Variants in RASEF observed in about 807,000 individuals in gnomAD.
RASEF encodes the protein ras and EF-hand domain-containing protein.
In RASEF, 68 loss-of-function variants were observed where a neutral mutation model predicts 90.1. That is an observed-to-expected ratio of 0.75 (90% CI 0.62 to 0.92). The LOEUF (loss-of-function observed/expected upper bound fraction) is 0.92. RASEF is among the 40% of genes least tolerant of loss of function. The probability of loss-of-function intolerance (pLI) is 0.00; values close to 1 mark genes in which losing one functional copy is unlikely to be tolerated. For missense variants in RASEF, 949 were observed against 937.2 expected (o/e 1.01, Z -0.16); for synonymous variants, 331 against 345.2 (o/e 0.96, Z 0.46).
At position 83,008,891 on chromosome 9, in the gene RASEF, CATATATATATATATATATA is replaced by C. The variant is rs1319162968; in HGVS notation, c.959+731_959+749del. On this transcript the variant is annotated intron_variant, in intron 6 of 16. Coordinates refer to ENST00000376447, the MANE Select transcript of RASEF (RefSeq NM_152573.4). Reference sequence around the variant, plus strand: ...TCCCAACTAAATTTGAAGTTCTCATCATATATATATATATATATATATATATATATATATATATATATAT... The same window carrying C: ...TCCCAACTAAATTTGAAGTTCTCATCTATATATATATATATATATATATAT... Among the ~76,000 whole-genome samples the C allele has an allele frequency of 2.1e-3, 42 of 19,560 alleles. 2 individuals are homozygous for C. In the South Asian group the frequency reaches 0.036, roughly 17 times the overall value. The allele number at this position is 19,560 out of a possible 152,430, so 12.8% of individuals were successfully genotyped here.
chr9:83,179,949 A>C, the RASEF span, among the ~76,000 whole-genome samples: 1 of 152,310 alleles, frequency 6.6e-6, no homozygotes, highest in Non-Finnish European at 1.5e-5. Flanking sequence ...CCAACACGTA[A>C]GCTCTCCTGG....
chr9:83,032,769 G>C (rs62561901), intron 1 of RASEF, among the ~76,000 whole-genome samples: 1 of 152,110 alleles, frequency 6.6e-6, no homozygotes, highest in Non-Finnish European at 1.5e-5. Flanking sequence ...GAAATTATAC[G>C]TACTTGAAGA....
rs529039981 is a variant in RASEF at position 83,048,992 on chromosome 9, T to C, written c.431+13445A>G. Among the ~76,000 whole-genome samples the C allele has an allele frequency of 5.3e-5, 8 of 151,972 alleles. No homozygotes were observed. In the South Asian group the frequency reaches 1.5e-3, roughly 28 times the overall value. ...TACAAAAATTAGCCGGGTGTGGTAG[T>C]GCATGTCTGTAATCCCAGCTACTCG... is the stretch of plus-strand genomic sequence containing the variant. On this transcript the variant is annotated intron_variant, in intron 1 of 16. Transcript: ENST00000376447.
intron 1 of RASEF, among the ~76,000 whole-genome samples, chr9:83,047,411 A>G (rs750104519): frequency 2.6e-5 from 4 of 152,230 alleles, no homozygotes; most frequent in Non-Finnish European, 5.9e-5. Flanking sequence ...AGAAAACAAT[A>G]CTACAATACC....
At chr9:83,160,372 A>C in the RASEF span, among the ~76,000 whole-genome samples, 1 of 152,170 alleles carries the variant, frequency 6.6e-6, no homozygotes, top group African/African-American at 2.4e-5. Context: ...ACTGGAGAAA[A>C]GGTGACTCTA....
chr9:83,002,333 G>T (rs1405096774), intron 9 of RASEF, among the ~76,000 whole-genome samples: 1 of 152,184 alleles, frequency 6.6e-6, no homozygotes, highest in African/African-American at 2.4e-5. Flanking sequence ...TAATTAAAAA[G>T]ATGATGTAAC....
At chr9:83,166,589 C>T in the RASEF span, among the ~76,000 whole-genome samples, 5 of 152,048 alleles carry the variant, frequency 3.3e-5, no homozygotes, top group Admixed American at 6.6e-5. Context: ...TGTGGCGGTA[C>T]GGTTTCATTG....
intron 1 of RASEF, among the ~76,000 whole-genome samples, chr9:83,027,240 T>G (rs1231549416): frequency 1.9e-4 from 29 of 152,044 alleles, no homozygotes; most frequent in Non-Finnish European, 1.2e-4. Context: ...GTTTTGGGGG[T>G]TTTATGGTGA....
chr9:83,184,757 A>G, the RASEF span, among the ~76,000 whole-genome samples: 1 of 152,222 alleles, frequency 6.6e-6, no homozygotes, highest in Non-Finnish European at 1.5e-5. Flanking sequence ...TCAGAAAATT[A>G]TCTTAGGATA....
At chr9:82,999,159 G>A (rs565292649) in intron 12 of RASEF, among the ~76,000 whole-genome samples, 4 of 151,722 alleles carry the variant, frequency 2.6e-5, no homozygotes, top group South Asian at 2.1e-4. Flanking sequence ...CTCTTTAGAC[G>A]AAGAAGAAAA....
At chr9:83,150,357 T>G in the RASEF span, among the ~76,000 whole-genome samples, 2 of 152,100 alleles carry the variant, frequency 1.3e-5, no homozygotes, top group African/African-American at 4.8e-5. Context: ...TAATCAAAGT[T>G]TGGTCTTTCT....
chr9:83,108,465 T>C, the RASEF span, among the ~76,000 whole-genome samples: 1 of 152,184 alleles, frequency 6.6e-6, no homozygotes, highest in African/African-American at 2.4e-5. Context: ...ACTATCTGGC[T>C]CTTTTCAGAA....
upstream of RASEF, among the ~76,000 whole-genome samples, chr9:83,063,582 G>C (rs922335596): frequency 2.6e-5 from 4 of 152,148 alleles, no homozygotes; most frequent in African/African-American, 9.7e-5. Flanking sequence ...ATTTTTGTGC[G>C]TCTAACGTTA....
At chr9:83,028,816 G>A (rs908279884) in intron 1 of RASEF, among the ~76,000 whole-genome samples, 22 of 152,130 alleles carry the variant, frequency 1.4e-4, no homozygotes, top group African/African-American at 5.3e-4. Flanking sequence ...ATTTGGAAAT[G>A]GGTCTTTAAA....
At chr9:83,143,380 G>A in the RASEF span, among the ~76,000 whole-genome samples, 5 of 151,270 alleles carry the variant, frequency 3.3e-5, no homozygotes, top group African/African-American at 4.9e-5. Flanking sequence ...AAGCAACAAG[G>A]AAAAACAAAT....
chr9:83,164,347 GTATATATA>G, the RASEF span, among the ~76,000 whole-genome samples: 13 of 129,976 alleles, frequency 1.0e-4, no homozygotes, highest in African/African-American at 3.4e-4. Flanking sequence ...GTATATGTGT[GTATATATA>G]TATATATATA....
the RASEF span, among the ~76,000 whole-genome samples, chr9:83,139,850 TTTAGTATTTTAGCAAATACTAAATTGG>T: frequency 6.6e-6 from 1 of 152,354 alleles, no homozygotes; most frequent in South Asian, 2.1e-4. Context: ...TTTGGATATT[TTTAGTATTTTAGCAAATACTAAATTGG>T]TTAGCAAATA....
chr9:82,988,624 C>T (rs185817216), intron 16 of RASEF, among the ~76,000 whole-genome samples: 81 of 152,184 alleles, frequency 5.3e-4, no homozygotes, highest in Non-Finnish European at 9.4e-4. Context: ...AGTGAGTTCT[C>T]GCTCTGAGTT....
intron 14 of RASEF, among the ~76,000 whole-genome samples, chr9:82,993,255 C>G: frequency 6.6e-6 from 1 of 152,138 alleles, no homozygotes; most frequent in East Asian, 1.9e-4. Context: ...GTATAAGGGT[C>G]AGGGCCTGGA....
Sources: gnomAD v4.1 joint callset for allele counts (sites outside exome capture counted in the v4.1 genomes callset) on GRCh38, gnomAD v4.1.1 for gene constraint, MANE v1.5 for transcripts, NCBI Gene and HGNC (gene_info 2026-07-23, HGNC 2026-07-21) for gene names.